The following TAS2R1 variants were observed in gnomAD, a reference collection of about 807,000 sequenced individuals.
TAS2R1 encodes the protein taste receptor type 2 member 1.
For missense variants in TAS2R1, 370 were observed against 353.4 expected, an observed-to-expected ratio of 1.05 and a Z score of -0.38; for synonymous variants, 141 against 134.2, an observed-to-expected ratio of 1.05 and a Z score of -0.35.
At chr5:9,684,787 A>G (rs898644568) in intron 1 of TAS2R1, among the ~76,000 whole-genome samples, 2 of 152,226 alleles carry the variant, frequency 1.3e-5, no homozygotes, top group Non-Finnish European at 2.9e-5. Flanking sequence ...ATCATTACAC[A>G]TAGTATACAT....
chr5:9,865,665 TTAAAG>T, the TAS2R1 span, among the ~76,000 whole-genome samples: 1 of 152,260 alleles, frequency 6.6e-6, no homozygotes, highest in Non-Finnish European at 1.5e-5. Context: ...GTTTTGCTAA[TTAAAG>T]TAAAATTCTA....
the TAS2R1 span, among the ~76,000 whole-genome samples, chr5:9,776,388 G>A: frequency 5.3e-5 from 8 of 152,164 alleles, no homozygotes; most frequent in African/African-American, 1.2e-4. Flanking sequence ...CTTCAGTGAC[G>A]TGAAATTAAA....
the TAS2R1 span, among the ~76,000 whole-genome samples, chr5:9,882,300 G>A: frequency 6.6e-6 from 1 of 152,152 alleles, no homozygotes; most frequent in South Asian, 2.1e-4. Context: ...ACCACAATGA[G>A]ATAGTATCTC....
chr5:9,749,468 G>A, the TAS2R1 span, among the ~76,000 whole-genome samples: 39,998 of 152,136 alleles, frequency 0.26, 5,649 homozygotes, highest in Middle Eastern at 0.41. Flanking sequence ...TACATTTAAG[G>A]CATTAATTCT....
the TAS2R1 span, among the ~76,000 whole-genome samples, chr5:9,800,740 T>C: frequency 6.6e-6 from 1 of 152,206 alleles, no homozygotes; most frequent in Non-Finnish European, 1.5e-5. Flanking sequence ...AATTATCCAT[T>C]GGCCCTGTTG....
chr5:9,649,776 A>G (rs1335183213), intron 2 of TAS2R1, among the ~76,000 whole-genome samples: 1 of 152,222 alleles, frequency 6.6e-6, no homozygotes, highest in Non-Finnish European at 1.5e-5. Flanking sequence ...CAATAGCTTC[A>G]AGGAGAAGAA....
the TAS2R1 span, among the ~76,000 whole-genome samples, chr5:9,760,010 CT>C: frequency 1.3e-5 from 2 of 152,124 alleles, no homozygotes; most frequent in East Asian, 3.8e-4. Flanking sequence ...AATATCAGAA[CT>C]TAAAGAGGGG....
the TAS2R1 span, among the ~76,000 whole-genome samples, chr5:9,787,029 C>G: frequency 1.3e-5 from 2 of 152,226 alleles, no homozygotes; most frequent in Non-Finnish European, 2.9e-5. Flanking sequence ...AGTGGACTCA[C>G]TGCATTTCCC....
At chr5:9,767,496 T>C in the TAS2R1 span, among the ~76,000 whole-genome samples, 1 of 152,062 alleles carries the variant, frequency 6.6e-6, no homozygotes, top group Non-Finnish European at 1.5e-5. Flanking sequence ...ATATTCCTGA[T>C]CTCCTAGGGT....
chr5:9,716,545 T>TTA (rs5865851), upstream of TAS2R1, among the ~76,000 whole-genome samples: 1,737 of 148,486 alleles, frequency 0.012, 27 homozygotes, highest in African/African-American at 0.035. Flanking sequence ...AGTACATATA[T>TTA]TATATATATA....
chr5:9,629,734 C>G lies in TAS2R1; in HGVS notation c.299G>C (p.Gly100Ala). ...GGCAACCTTGGCACAATAGAAAACG[C>G]CGAGCCATGTGGCAAGCCAAAGTTC... ...ELELWLATWLGVFYCAKVASV... is the reference protein window; with the variant it reads ...ELELWLATWLAVFYCAKVASV... Residue 100 changes from glycine (G) to alanine (A), a missense_variant, in exon 1 of 1, where the codon GGC (glycine) becomes GCC (alanine). Transcript: ENST00000382492. The G allele has an allele frequency of 6.2e-7, 1 of 1,613,908 alleles. No homozygotes were observed. The highest frequency in any genetic ancestry group is 8.5e-7 in the Non-Finnish European group (1 of 1,179,940).
At chr5:9,895,390 C>T in the TAS2R1 span, among the ~76,000 whole-genome samples, 6 of 152,152 alleles carry the variant, frequency 3.9e-5, no homozygotes, top group East Asian at 3.9e-4. Context: ...ATGAAGGGAC[C>T]GCCATTGCCT....
the TAS2R1 span, among the ~76,000 whole-genome samples, chr5:9,829,838 A>C: frequency 6.6e-6 from 1 of 152,124 alleles, no homozygotes; most frequent in African/African-American, 2.4e-5. Context: ...GTGTACCCCA[A>C]GCGAAAAAAA....
the TAS2R1 span, among the ~76,000 whole-genome samples, chr5:9,811,828 T>TA: frequency 2.0e-5 from 3 of 152,140 alleles, no homozygotes; most frequent in African/African-American, 7.2e-5. Flanking sequence ...GCCCTTATGA[T>TA]GTGTTTCTGC....
At chr5:9,805,961 C>T in the TAS2R1 span, among the ~76,000 whole-genome samples, 291 of 152,196 alleles carry the variant, frequency 1.9e-3, 1 homozygote, top group African/African-American at 6.5e-3. Context: ...CAAACTGTGA[C>T]TGTTTGCTGA....
the TAS2R1 span, among the ~76,000 whole-genome samples, chr5:9,745,063 A>G: frequency 3.9e-5 from 6 of 152,202 alleles, no homozygotes; most frequent in African/African-American, 1.2e-4. Context: ...GGTACATTGA[A>G]GAGAATGAAT....
the TAS2R1 span, among the ~76,000 whole-genome samples, chr5:9,831,238 C>CA: frequency 6.7e-6 from 1 of 149,912 alleles, no homozygotes; most frequent in African/African-American, 2.5e-5. Flanking sequence ...ACAGCAAATA[C>CA]GTTTATTTCC....
At chr5:9,865,314 C>T in the TAS2R1 span, among the ~76,000 whole-genome samples, 1 of 152,132 alleles carries the variant, frequency 6.6e-6, no homozygotes, top group Non-Finnish European at 1.5e-5. Context: ...GATTTTGTAT[C>T]CCACTATGCC....
chr5:9,684,999 G>T (rs1407922049), intron 1 of TAS2R1, among the ~76,000 whole-genome samples: 2 of 152,174 alleles, frequency 1.3e-5, no homozygotes, highest in Admixed American at 1.3e-4. Context: ...GGGAGCACAG[G>T]AGGTATGCAT....
Sources: allele counts gnomAD v4.1 joint callset (sites outside exome capture counted in the v4.1 genomes callset), GRCh38; gene constraint gnomAD v4.1.1; transcripts MANE v1.5; gene names NCBI Gene and HGNC (gene_info 2026-07-23, HGNC 2026-07-21).